Variants in DNAH8 observed in about 807,000 individuals in gnomAD.
DNAH8 encodes axonemal beta dynein heavy chain 8.
DNAH8 carries 382 observed loss-of-function variants against 562.1 expected under a neutral mutation model. The ratio of observed to expected loss-of-function variants is 0.68; its 90% CI spans 0.63 to 0.74. The LOEUF (loss-of-function observed/expected upper bound fraction) is 0.74. Ranked by LOEUF, DNAH8 falls within the 30% of genes least tolerant of loss-of-function variation. The pLI is 0.00. For missense variants in DNAH8, 5,203 were observed against 5,620.4 expected (o/e 0.93, Z 2.37); for synonymous variants, 1,881 against 1,919.4 (o/e 0.98, Z 0.52).
intron 39 of DNAH8, 111 bp from the exon 40 acceptor site, chr6:38,852,583 A>G: frequency 1.4e-6 from 1 of 728,324 alleles, no homozygotes; most frequent in Non-Finnish European, 2.2e-6. Flanking sequence ...TTTTGAGACA[A>G]TAAAGTAAAT....
intron 35 of DNAH8, among the ~76,000 whole-genome samples, chr6:38,844,476 T>G (rs748029914): frequency 6.6e-6 from 1 of 152,246 alleles, no homozygotes; most frequent in Non-Finnish European, 1.5e-5. Context: ...AAAAAGCTTT[T>G]CTTTCAAAGC....
At chr6:38,938,338 C>A in intron 78 of DNAH8, 112 bp downstream of exon 78, 1 of 1,245,608 alleles carries the variant, frequency 8.0e-7, no homozygotes, top group South Asian at 1.4e-5. Context: ...ATGGAATCAA[C>A]CTAAATGCCC....
chr6:38,738,514 A>G (rs1015729250), intron 7 of DNAH8, among the ~76,000 whole-genome samples: 4 of 152,194 alleles, frequency 2.6e-5, no homozygotes, highest in African/African-American at 9.7e-5. Flanking sequence ...TCCAACTTAC[A>G]CTATAAACAC....
chr6:39,017,821 C>T (rs1186953095), intron 91 of DNAH8, among the ~76,000 whole-genome samples: 3 of 152,088 alleles, frequency 2.0e-5, no homozygotes, highest in Admixed American at 6.5e-5. Context: ...AACTTTTTGC[C>T]TGTGTGTGTG....
rs1023000517 is a variant in DNAH8 at position 38,960,386 on chromosome 6, C to T, written c.12451+8866C>T. Among the ~76,000 whole-genome samples, 11 of 146,676 alleles carry T rather than the reference C, an allele frequency of 7.5e-5. No homozygotes were observed. The East Asian group carries it at 1.6e-3, about 21-fold the overall frequency. On this transcript the variant is annotated intron_variant, in intron 82 of 92. Coordinates refer to ENST00000327475, the MANE Select transcript of DNAH8 (RefSeq NM_001206927.2). ...ATGCATCTGACAAGGTGTTAATATGCAGAATATATAAGTAACACAAACAAC... is the reference window on the plus strand; with the variant it reads ...ATGCATCTGACAAGGTGTTAATATGTAGAATATATAAGTAACACAAACAAC...
At chr6:39,011,993 A>G (rs1195423937) in intron 89 of DNAH8, among the ~76,000 whole-genome samples, 1 of 152,248 alleles carries the variant, frequency 6.6e-6, no homozygotes, top group African/African-American at 2.4e-5. Flanking sequence ...GCTAAGTACA[A>G]TCAGTAAGAA....
At chr6:38,883,210 G>C in intron 54 of DNAH8, 112 bp from the exon 55 acceptor site, 1 of 1,363,170 alleles carries the variant, frequency 7.3e-7, no homozygotes, top group Non-Finnish European at 9.9e-7. Context: ...ATTCTAAAAA[G>C]TTATTAAAAA....
intron 53 of DNAH8, among the ~76,000 whole-genome samples, chr6:38,880,739 C>T (rs1390694949): frequency 2.0e-5 from 3 of 152,116 alleles, no homozygotes; most frequent in Admixed American, 2.0e-4. Context: ...ATTAAAACTC[C>T]AATGGGGTCT....
intron 23 of DNAH8, among the ~76,000 whole-genome samples, chr6:38,806,266 T>C (rs1431467319): frequency 6.6e-6 from 1 of 152,204 alleles, no homozygotes; most frequent in Non-Finnish European, 1.5e-5. Context: ...TTTTCTATTT[T>C]ACCCACTTTT....
chr6:38,866,321 CAA>C (rs1331641347), intron 45 of DNAH8, among the ~76,000 whole-genome samples: 12 of 152,152 alleles, frequency 7.9e-5, no homozygotes, highest in Admixed American at 4.6e-4. Context: ...CCAGCAGACA[CAA>C]TTTTCTATTT....
chr6:39,030,047 A>G, intron 92 of DNAH8, 58 bp from the exon 93 acceptor site: 1 of 1,427,680 alleles, frequency 7.0e-7, no homozygotes. Context: ...TTTATGACTA[A>G]TTTTGCAGCA....
intron 77 of DNAH8, among the ~76,000 whole-genome samples, chr6:38,937,218 G>A (rs976646765): frequency 3.1e-5 from 2 of 63,690 alleles, no homozygotes; most frequent in Non-Finnish European, 5.2e-5. Flanking sequence ...GTAGGGGTCT[G>A]GGGGGAGGGA....
Position 38,793,608 on chromosome 6 carries a change from G to A in DNAH8, c.2901+1934G>A, listed in dbSNP as rs368545051. Among the ~76,000 whole-genome samples, 424 of 151,734 alleles carry A rather than the reference G, an allele frequency of 2.8e-3. 3 individuals are homozygous for A. The highest frequency in any genetic ancestry group is 9.7e-3 in the African/African-American group (401 of 41,380). ...TCTGAAAGTCTGTTTTTAAAAAACT[G>A]GTAATTTTGACCTATTTACATTAAT... On this transcript the variant is annotated intron_variant, in intron 21 of 92. Coordinates refer to ENST00000327475, the MANE Select transcript of DNAH8 (RefSeq NM_001206927.2).
At chr6:38,978,604 T>A (rs981768755) in intron 85 of DNAH8, among the ~76,000 whole-genome samples, 1 of 152,238 alleles carries the variant, frequency 6.6e-6, no homozygotes, top group Non-Finnish European at 1.5e-5. Flanking sequence ...TAGTGTGGCT[T>A]GTATTTTTCT....
chr6:38,750,912 T>A (rs1192644081), intron 9 of DNAH8, among the ~76,000 whole-genome samples: 1 of 152,242 alleles, frequency 6.6e-6, no homozygotes, highest in African/African-American at 2.4e-5. Context: ...TGAAGAATGA[T>A]AAACTATATT....
intron 77 of DNAH8, 83 bp from the exon 78 acceptor site, chr6:38,937,891 G>GTT (rs199520405): frequency 9.9e-4 from 1,182 of 1,189,722 alleles, no homozygotes; most frequent in South Asian, 1.5e-3. Flanking sequence ...AGCTAACAGC[G>GTT]TTTTTTTTTT....
At chr6:38,906,471 A>G (rs1780486941) in intron 63 of DNAH8, 64 bp downstream of exon 63, 2 of 1,293,448 alleles carry the variant, frequency 1.5e-6, no homozygotes, top group African/African-American at 3.0e-5. Context: ...GGAATAGAAA[A>G]AGCAGCAACC....
intron 18 of DNAH8, among the ~76,000 whole-genome samples, chr6:38,787,576 A>G (rs1769287547): frequency 6.6e-6 from 1 of 151,886 alleles, no homozygotes. Context: ...CACGCTTGTA[A>G]TCCCAGCTAC....
intron 1 of DNAH8, among the ~76,000 whole-genome samples, chr6:38,720,849 A>C (rs960669255): frequency 3.0e-5 from 1 of 33,526 alleles, no homozygotes; most frequent in Non-Finnish European, 9.1e-5. Flanking sequence ...GATAACACAC[A>C]AAAAAAATTC....
Sources: gnomAD v4.1 joint callset for allele counts (sites outside exome capture counted in the v4.1 genomes callset) on GRCh38, gnomAD v4.1.1 for gene constraint, MANE v1.5 for transcripts, NCBI Gene and HGNC (gene_info 2026-07-23, HGNC 2026-07-21) for gene names.